Variants in NCOA3 observed in about 807,000 individuals in gnomAD.
The protein encoded by NCOA3 is CBP-interacting protein.
In NCOA3, 51 loss-of-function variants were observed where a neutral mutation model predicts 158.8. The ratio of observed to expected loss-of-function variants is 0.32; its 90% CI spans 0.26 to 0.41. The LOEUF is 0.41. Ranked by LOEUF, NCOA3 falls within the 10% of genes least tolerant of loss-of-function variation. The pLI, the probability that NCOA3 is intolerant of heterozygous loss-of-function variation, is 1.00. For synonymous variants in NCOA3, 537 were observed against 592.4 expected, an observed-to-expected ratio of 0.91 and a Z score of 1.36; for missense variants, 1,510 against 1,746.6, an observed-to-expected ratio of 0.86 and a Z score of 2.41.
intron 1 of NCOA3, among the ~76,000 whole-genome samples, chr20:47,517,604 C>T (rs929024752): frequency 1.3e-5 from 2 of 152,128 alleles, no homozygotes; most frequent in South Asian, 2.1e-4. Flanking sequence ...GTGCTCGCTA[C>T]TACACCTGGC....
intron 1 of NCOA3, among the ~76,000 whole-genome samples, chr20:47,552,198 A>G (rs2084936554): frequency 6.6e-6 from 1 of 152,380 alleles, no homozygotes; most frequent in African/African-American, 2.4e-5. Context: ...AGTTATACTT[A>G]TAAACAGCAT....
intron 1 of NCOA3, among the ~76,000 whole-genome samples, chr20:47,563,244 C>G (rs772002334): frequency 9.9e-5 from 15 of 152,136 alleles, no homozygotes; most frequent in Admixed American, 2.0e-4. Context: ...TTGGTGGCAT[C>G]ATTTTTGTTT....
intron 1 of NCOA3, among the ~76,000 whole-genome samples, chr20:47,565,229 C>A (rs2085173494): frequency 6.6e-6 from 1 of 152,148 alleles, no homozygotes; most frequent in Non-Finnish European, 1.5e-5. Context: ...CACACGCCTG[C>A]CTCGGCCTCC....
chr20:47,518,648 C>G (rs2084274431), intron 1 of NCOA3, among the ~76,000 whole-genome samples: 1 of 151,868 alleles, frequency 6.6e-6, no homozygotes, highest in South Asian at 2.1e-4. Context: ...TCGTCTCGAA[C>G]TCCTGACCTC....
chr20:47,618,129 C>T (rs1305703539), intron 2 of NCOA3, among the ~76,000 whole-genome samples: 2 of 151,928 alleles, frequency 1.3e-5, no homozygotes, highest in Non-Finnish European at 1.5e-5. Flanking sequence ...CTCAGCTACT[C>T]GGGAGGCTGA....
chr20:47,622,257 T>C lies in NCOA3; in HGVS notation c.10T>C (p.Leu4=), dbSNP rs778646998. 22 of 1,603,568 alleles carry C rather than the reference T, an allele frequency of 1.4e-5. No homozygotes were observed. The highest frequency in any genetic ancestry group is 8.1e-5 in the African/African-American group (6 of 74,396). Residue 4 remains leucine, a synonymous_variant, in exon 3 of 23, where the codon TTA becomes CTA. Coordinates refer to ENST00000371998, the MANE Select transcript of NCOA3 (RefSeq NM_181659.3). ...CTGATGTATATTCAAGATGAGTGGATTAGGAGAAAACTTGGATCCACTGGC... is the reference window on the plus strand; with the variant it reads ...CTGATGTATATTCAAGATGAGTGGACTAGGAGAAAACTTGGATCCACTGGC... MSG[L]GENLDPLASD... is the part of the protein sequence containing the mutation.
chr20:47,517,253 A>G (rs2084248653), intron 1 of NCOA3, among the ~76,000 whole-genome samples: 1 of 152,112 alleles, frequency 6.6e-6, no homozygotes, highest in Non-Finnish European at 1.5e-5. Flanking sequence ...TTTTTACTAT[A>G]ACGAAACAGT....
intron 1 of NCOA3, among the ~76,000 whole-genome samples, chr20:47,554,099 T>C (rs1191085092): frequency 6.6e-6 from 1 of 152,232 alleles, no homozygotes; most frequent in Non-Finnish European, 1.5e-5. Flanking sequence ...TTCTAACTGG[T>C]GTGAGATGGT....
chr20:47,584,710 T>C (rs1264512282), intron 2 of NCOA3, among the ~76,000 whole-genome samples: 1 of 147,548 alleles, frequency 6.8e-6, no homozygotes, highest in African/African-American at 2.6e-5. Flanking sequence ...TTTCGTGAGG[T>C]TGAGTAGGCT....
chr20:47,540,666 CTCT>C (rs1447249602), intron 1 of NCOA3, among the ~76,000 whole-genome samples: 4 of 151,980 alleles, frequency 2.6e-5, no homozygotes, highest in Non-Finnish European at 4.4e-5. Flanking sequence ...AAGGTCTTAT[CTCT>C]TCTTCTCAAG....
chr20:47,652,639 A>T, intron 21 of NCOA3, 59 bp downstream of exon 21: 2 of 1,510,748 alleles, frequency 1.3e-6, no homozygotes, highest in Non-Finnish European at 1.8e-6. Context: ...CCAAGAACTT[A>T]ATGTATTTTT....
chr20:47,561,428 A>C (rs1013952186), intron 1 of NCOA3, among the ~76,000 whole-genome samples: 1 of 151,540 alleles, frequency 6.6e-6, no homozygotes, highest in Admixed American at 6.6e-5. Context: ...AGCTTCCCCA[A>C]GAAGCTAGGA....
Position 47,522,027 on chromosome 20 carries a change from G to A in NCOA3, c.-99+20008G>A, listed in dbSNP as rs896744592. 1.8e-4 allele frequency among the ~76,000 whole-genome samples: 27 copies of A among 147,662 alleles called. 1 individual carries two copies. The highest frequency in any genetic ancestry group is 6.5e-4 in the African/African-American group (26 of 40,048). On this transcript the variant is annotated intron_variant, in intron 1 of 22. Coordinates refer to ENST00000371998, the MANE Select transcript of NCOA3 (RefSeq NM_181659.3). ...GTGCCTTTGCTTCCATGAACACATT[G>A]TATATCTTTTCATTTATTTAGGTCT...
chr20:47,597,732 A>G (rs1602461141), intron 2 of NCOA3, among the ~76,000 whole-genome samples: 1 of 151,252 alleles, frequency 6.6e-6, no homozygotes, highest in African/African-American at 2.4e-5. Context: ...CAGGTGATCC[A>G]CCGGCCTCGG....
chr20:47,511,391 G>A (rs1220465911), intron 1 of NCOA3, among the ~76,000 whole-genome samples: 1 of 142,650 alleles, frequency 7.0e-6, no homozygotes, highest in African/African-American at 2.6e-5. Context: ...GGGACTACAC[G>A]TGTCCACCAC....
intron 13 of NCOA3, 88 bp from the exon 14 acceptor site, chr20:47,638,920 G>A (rs1334044120): frequency 2.0e-6 from 2 of 1,021,906 alleles, no homozygotes; most frequent in Non-Finnish European, 2.7e-6. Flanking sequence ...AGACATTCTT[G>A]GGTGGGGAGT....
At chr20:47,502,209 C>A (rs533980930) in intron 1 of NCOA3, among the ~76,000 whole-genome samples, 190 bp downstream of exon 1, 2 of 151,474 alleles carry the variant, frequency 1.3e-5, no homozygotes, top group African/African-American at 4.8e-5. Flanking sequence ...TCCCCTCAGC[C>A]CGGGGGGCGG....
Position 47,651,010 on chromosome 20 carries a change from C to T in NCOA3, c.3680C>T (p.Ala1227Val). ...GGTTTTCTTAATGCTCAAATGGTCGCCCAACGCAGCAGAGAGCTGCTAAGT... is the reference window on the plus strand; with the variant it reads ...GGTTTTCTTAATGCTCAAATGGTCGTCCAACGCAGCAGAGAGCTGCTAAGT... ...QQGFLNAQMV[A>V]QRSRELLSHH... Residue 1227 changes from alanine to valine, a missense_variant, in exon 20 of 23, where the codon GCC becomes GTC. Physicochemically the swap from Ala to Val is moderately conservative, Grantham distance 64. Transcript: ENST00000371998. 6.2e-7 allele frequency: 1 copy of T among 1,613,948 alleles called. No homozygotes were observed. The highest frequency in any genetic ancestry group is 1.1e-5 in the South Asian group (1 of 91,070).
chr20:47,530,334 C>T (rs1224897090), intron 1 of NCOA3, among the ~76,000 whole-genome samples: 1 of 151,466 alleles, frequency 6.6e-6, no homozygotes, highest in African/African-American at 2.4e-5. Flanking sequence ...TTTATACATA[C>T]AGAAGAATGA....
Sources: allele counts gnomAD v4.1 joint callset (sites outside exome capture counted in the v4.1 genomes callset), GRCh38; gene constraint gnomAD v4.1.1; transcripts MANE v1.5; gene names NCBI Gene and HGNC (gene_info 2026-07-23, HGNC 2026-07-21).